The following PTPRA variants were observed in gnomAD, a reference collection of about 807,000 sequenced individuals.
PTPRA encodes receptor-type tyrosine-protein phosphatase alpha.
A neutral mutation model predicts 104.8 loss-of-function variants in PTPRA; 25 were observed. The ratio of observed to expected loss-of-function variants is 0.24; its 90% confidence interval spans 0.17 to 0.33. The LOEUF is 0.33. Ranked by LOEUF, PTPRA falls within the 10% of genes least tolerant of loss-of-function variation. The pLI is 1.00. For missense variants in PTPRA, 765 were observed against 1,015.3 expected (o/e 0.75, Z 3.35); for synonymous variants, 323 against 368.9 (o/e 0.88, Z 1.43).
At chr20:2,959,194 G>C (rs2061656811) in intron 3 of PTPRA, among the ~76,000 whole-genome samples, 1 of 152,062 alleles carries the variant, frequency 6.6e-6, no homozygotes, top group Non-Finnish European at 1.5e-5. Flanking sequence ...CCTAGTGTAC[G>C]CATACCAATT....
In PTPRA at chr20:3,017,730, C is replaced by T. The variant is rs2064537123; in HGVS notation, c.944-86C>T. 3.3e-6 allele frequency: 4 copies of T among 1,209,744 alleles called. No homozygotes were observed. The Admixed American group carries it at 5.4e-5, about 16-fold the overall frequency. 74.9% of individuals were successfully genotyped at this position (1,209,744 alleles called of 1,614,324 possible). A position where few individuals can be genotyped will look rare whatever the true frequency, so the allele number is the denominator to read the frequency against. On this transcript the variant is annotated intron_variant, in intron 12 of 23. Transcript: ENST00000399903. ...CTGGGGACATTTGGGCACAAGCTTC[C>T]AAAAGTCAGGAATGGATGTTCCCAG...
chr20:2,996,599 C>T (rs1206047996), intron 9 of PTPRA, among the ~76,000 whole-genome samples: 1 of 151,984 alleles, frequency 6.6e-6, no homozygotes, highest in Non-Finnish European at 1.5e-5. Flanking sequence ...ATCTATTTGC[C>T]ATAGGTAGAC....
chr20:2,871,469 A>G (rs1402395638), upstream of PTPRA, among the ~76,000 whole-genome samples: 2 of 152,238 alleles, frequency 1.3e-5, no homozygotes, highest in African/African-American at 2.4e-5. Context: ...TATTAAAAAT[A>G]TAAGTAGCAT....
At chr20:2,895,061 T>A (rs568412829) in intron 1 of PTPRA, among the ~76,000 whole-genome samples, 7 of 152,046 alleles carry the variant, frequency 4.6e-5, no homozygotes, top group Admixed American at 4.6e-4. Flanking sequence ...TAAATAACTA[T>A]ACTATTACTT....
chr20:2,923,339 C>G (rs1644921552), intron 2 of PTPRA, 54 bp downstream of exon 2: 1 of 1,203,952 alleles, frequency 8.3e-7, no homozygotes. Flanking sequence ...CAAGTAGTGT[C>G]CTTAAATAAA....
At chr20:2,976,873 A>G (rs1179489100) in intron 6 of PTPRA, among the ~76,000 whole-genome samples, 2 of 152,256 alleles carry the variant, frequency 1.3e-5, no homozygotes, top group Non-Finnish European at 2.9e-5. Flanking sequence ...GCTTTTGAAC[A>G]GTAGTGTCTG....
At chr20:3,026,553 C>G in intron 17 of PTPRA, 134 bp from the exon 18 acceptor site, 1 of 658,492 alleles carries the variant, frequency 1.5e-6, no homozygotes, top group Non-Finnish European at 2.7e-6. Flanking sequence ...CATATGGGAA[C>G]AGAGGTCAGG....
At position 3,027,910 on chromosome 20, in the gene PTPRA, C is replaced by A; in HGVS notation, c.1920+69C>A. 3.8e-6 allele frequency: 6 copies of A among 1,588,034 alleles called. No homozygotes were observed. In the South Asian group the frequency reaches 6.9e-5, roughly 18 times the overall value. On this transcript the variant is annotated intron_variant, in intron 20 of 23. Coordinates refer to ENST00000399903, the MANE Select transcript of PTPRA (RefSeq NM_001385305.1). ...GAAAAGATGTGTGTGTAAATGGGGA[C>A]GTTGGGAAGGCAAGAAGGTGTTTGG...
chr20:2,941,005 T>C (rs1299893389), intron 2 of PTPRA, among the ~76,000 whole-genome samples: 3 of 152,006 alleles, frequency 2.0e-5, no homozygotes, highest in Non-Finnish European at 4.4e-5. Flanking sequence ...CGTGTTCTTT[T>C]CTTCTGGTTT....
chr20:2,987,771 C>T (rs1028558005), intron 7 of PTPRA, among the ~76,000 whole-genome samples: 1 of 152,212 alleles, frequency 6.6e-6, no homozygotes, highest in African/African-American at 2.4e-5. Context: ...CTGTGCTCTG[C>T]AGTGAGCCAC....
chr20:3,033,754 A>G (rs571421633), intron 20 of PTPRA, among the ~76,000 whole-genome samples: 1 of 151,724 alleles, frequency 6.6e-6, no homozygotes, highest in Admixed American at 6.6e-5. Flanking sequence ...ATACAAAATT[A>G]GCGGGCATGG....
intron 2 of PTPRA, among the ~76,000 whole-genome samples, chr20:2,924,221 G>A (rs1356641511): frequency 6.6e-6 from 1 of 152,112 alleles, no homozygotes; most frequent in Non-Finnish European, 1.5e-5. Context: ...GGTCAACATG[G>A]TGAAACCCCA....
intron 2 of PTPRA, among the ~76,000 whole-genome samples, chr20:2,938,985 A>G (rs984581394): frequency 2.0e-5 from 3 of 152,150 alleles, no homozygotes; most frequent in Non-Finnish European, 4.4e-5. Context: ...ATATTGTGCT[A>G]TGAGATTCTG....
At chr20:2,882,296 C>CTTTTTTTTTTTTTTTTTTCTTTTTT (rs563182313) in intron 1 of PTPRA, among the ~76,000 whole-genome samples, 1 of 139,338 alleles carries the variant, frequency 7.2e-6, no homozygotes, top group African/African-American at 2.7e-5. Context: ...TTCTTTCTTT[C>CTTTTTTTTTTTTTTTTTTCTTTTTT]TTTTTTTTTT....
chr20:2,896,894 T>C (rs1452235477), intron 1 of PTPRA, among the ~76,000 whole-genome samples: 1 of 152,236 alleles, frequency 6.6e-6, no homozygotes, highest in Non-Finnish European at 1.5e-5. Flanking sequence ...TCTTTTAATC[T>C]AGAATAGTTC....
chr20:2,901,094 C>T (rs2059217156), intron 1 of PTPRA, among the ~76,000 whole-genome samples: 1 of 151,920 alleles, frequency 6.6e-6, no homozygotes, highest in African/African-American at 2.4e-5. Flanking sequence ...CCTCAGCCTC[C>T]AGAGTAGCTG....
chr20:2,898,639 C>G lies in PTPRA; in HGVS notation c.-128-24568C>G, dbSNP rs149427057. Among the ~76,000 whole-genome samples the G allele has an allele frequency of 9.9e-3, 1,498 of 151,850 alleles. 99 individuals carry two copies. The highest frequency in any genetic ancestry group is 0.09 in the Admixed American group (1,374 of 15,242). On this transcript the variant is annotated intron_variant, in intron 1 of 23. Coordinates refer to ENST00000399903, the MANE Select transcript of PTPRA (RefSeq NM_001385305.1). ...CTGGGAGGCCGAGGCTGGTGGGTCACCTGAGGTCTGGAGTTCGAGACCAGC... is the reference window on the plus strand; with the variant it reads ...CTGGGAGGCCGAGGCTGGTGGGTCAGCTGAGGTCTGGAGTTCGAGACCAGC...
intron 1 of PTPRA, among the ~76,000 whole-genome samples, chr20:2,902,374 C>A (rs1466177003): frequency 1.3e-5 from 2 of 152,090 alleles, no homozygotes; most frequent in African/African-American, 4.8e-5. Flanking sequence ...TTCTTTTTTC[C>A]CTACTCCCTT....
At chr20:2,977,250 A>G (rs1276057968) in intron 6 of PTPRA, among the ~76,000 whole-genome samples, 3 of 150,704 alleles carry the variant, frequency 2.0e-5, no homozygotes, top group Non-Finnish European at 4.4e-5. Flanking sequence ...GCTGCGATCC[A>G]GACTGCACTC....
Sources: allele counts gnomAD v4.1 joint callset (sites outside exome capture counted in the v4.1 genomes callset), GRCh38; gene constraint gnomAD v4.1.1; transcripts MANE v1.5; gene names NCBI Gene and HGNC (gene_info 2026-07-23, HGNC 2026-07-21).